The following PRRX1 variants were observed in gnomAD, a reference collection of about 807,000 sequenced individuals.
PRRX1 encodes paired related homeobox 1, also known as paired mesoderm homeobox protein 1.
Under a neutral mutation model 24.0 loss-of-function variants are expected in PRRX1, and 8 were observed. That is an observed-to-expected ratio of 0.33 (90% CI 0.20 to 0.60). The LOEUF (loss-of-function observed/expected upper bound fraction) is 0.60. PRRX1 is among the 20% of genes least tolerant of loss of function. The probability of loss-of-function intolerance (pLI) is 0.82; values close to 1 mark genes in which losing one functional copy is unlikely to be tolerated. For missense variants in PRRX1, 281 were observed against 322.4 expected (o/e 0.87, Z 0.98); for synonymous variants, 160 against 131.7 (o/e 1.22, Z -1.47).
intron 1 of PRRX1, among the ~76,000 whole-genome samples, chr1:170,701,527 G>GT (rs1217088127): frequency 1.3e-5 from 2 of 152,108 alleles, no homozygotes; most frequent in African/African-American, 4.8e-5. Context: ...CAGGCCAAAT[G>GT]TTTTGCTTGT....
At chr1:170,730,334 G>A in intron 3 of PRRX1, 1 of 1,610,326 alleles carries the variant, frequency 6.2e-7, no homozygotes, top group Non-Finnish European at 8.5e-7. Flanking sequence ...GATTCTAACG[G>A]AAGACACTGA....
chr1:170,692,771 G>A (rs925940109), intron 1 of PRRX1, among the ~76,000 whole-genome samples: 1 of 144,236 alleles, frequency 6.9e-6, no homozygotes, highest in African/African-American at 2.6e-5. Context: ...ACAGACACAC[G>A]TGCACACGCA....
intron 1 of PRRX1, among the ~76,000 whole-genome samples, chr1:170,695,368 T>G (rs1023133528): frequency 6.6e-6 from 1 of 152,186 alleles, no homozygotes; most frequent in Non-Finnish European, 1.5e-5. Flanking sequence ...GAGATGCTAT[T>G]TTAATACTAC....
At chr1:170,722,754 T>C (rs1373020648) in intron 2 of PRRX1, 1 of 152,200 alleles carries the variant, frequency 6.6e-6, no homozygotes, top group South Asian at 2.1e-4. Context: ...TTGAAAGTAG[T>C]GTAGCCAGTA....
At chr1:170,701,929 A>G (rs577967472) in intron 1 of PRRX1, among the ~76,000 whole-genome samples, 1 of 151,992 alleles carries the variant, frequency 6.6e-6, no homozygotes, top group African/African-American at 2.4e-5. Context: ...ACCCGATAGC[A>G]CTATAGAACA....
chr1:170,667,345 C>T (rs1290323081), intron 1 of PRRX1: 1 of 152,294 alleles, frequency 6.6e-6, no homozygotes, highest in African/African-American at 2.4e-5. Context: ...CACTCCAGGC[C>T]TTGCTTCCTA....
chr1:170,665,548 C>T (rs768634894), intron 1 of PRRX1, among the ~76,000 whole-genome samples: 3 of 152,244 alleles, frequency 2.0e-5, no homozygotes, highest in Non-Finnish European at 4.4e-5. Flanking sequence ...TGCTGGTTAC[C>T]ATTTTTGTCT....
At chr1:170,683,878 T>A (rs1290004846) in intron 1 of PRRX1, among the ~76,000 whole-genome samples, 1 of 152,148 alleles carries the variant, frequency 6.6e-6, no homozygotes, top group African/African-American at 2.4e-5. Flanking sequence ...AAGTCAGAAA[T>A]CAGTTAGGTC....
chr1:170,726,361 C>G lies in PRRX1; in HGVS notation c.559C>G (p.Pro187Ala), dbSNP rs766933694. ...CATCGTACCTCGTCCTGCTCCGAGA[C>G]CCACCGATTATCTCTCCTGGGGGAC... ...QPIVPRPAPR[P>A]TDYLSWGTAS... The change falls in exon 3 of 4, where the codon CCC (proline) becomes GCC (alanine). Residue 187 changes from proline (P) to alanine (A), a missense_variant. Transcript: ENST00000239461. The G allele has an allele frequency of 6.2e-7, 1 of 1,614,108 alleles. No individual in the cohort carries two copies. Among genetic ancestry groups the G allele is most frequent in the East Asian group, 2.2e-5 (1 of 44,868 alleles).
intron 3 of PRRX1, chr1:170,730,277 A>C: frequency 1.2e-6 from 2 of 1,608,300 alleles, no homozygotes; most frequent in Non-Finnish European, 1.7e-6. Flanking sequence ...TCAAAAATAG[A>C]TCCTCGTCCC....
intron 1 of PRRX1, among the ~76,000 whole-genome samples, chr1:170,679,830 T>A (rs1288906988): frequency 6.6e-6 from 1 of 152,228 alleles, no homozygotes. Context: ...ATTTTAGTTT[T>A]AAGTATGTTT....
intron 3 of PRRX1, among the ~76,000 whole-genome samples, chr1:170,731,689 G>A (rs569564854): frequency 6.6e-6 from 1 of 152,196 alleles, no homozygotes; most frequent in African/African-American, 2.4e-5. Context: ...ATTTGTCCCA[G>A]TGAAAACAGT....
intron 2 of PRRX1, among the ~76,000 whole-genome samples, chr1:170,725,071 G>T (rs921492308): frequency 2.0e-5 from 3 of 151,920 alleles, no homozygotes; most frequent in East Asian, 3.9e-4. Flanking sequence ...TCATGATTTG[G>T]CTCTTTGCTT....
chr1:170,722,560 A>G (rs1655124163), intron 2 of PRRX1: 1 of 152,212 alleles, frequency 6.6e-6, no homozygotes, highest in African/African-American at 2.4e-5. Flanking sequence ...GGAATGTACA[A>G]TAATTAGTGA....
At chr1:170,709,014 G>T (rs1265666096) in intron 1 of PRRX1, among the ~76,000 whole-genome samples, 1 of 152,164 alleles carries the variant, frequency 6.6e-6, no homozygotes, top group African/African-American at 2.4e-5. Context: ...AATTCTAAGA[G>T]AAGTACCCAA....
At chr1:170,734,600 G>A (rs935977806) in intron 3 of PRRX1, among the ~76,000 whole-genome samples, 2 of 152,102 alleles carry the variant, frequency 1.3e-5, no homozygotes, top group Non-Finnish European at 2.9e-5. Flanking sequence ...TGAAATAGAA[G>A]AAGGTAGGAT....
At chr1:170,677,854 A>G (rs189394904) in intron 1 of PRRX1, among the ~76,000 whole-genome samples, 25 of 152,348 alleles carry the variant, frequency 1.6e-4, no homozygotes, top group Admixed American at 1.4e-3. Flanking sequence ...AAGATGTTAC[A>G]GTGATTGAAG....
intron 3 of PRRX1, among the ~76,000 whole-genome samples, chr1:170,735,707 T>TA (rs1384926373): frequency 2.0e-5 from 3 of 152,168 alleles, no homozygotes; most frequent in African/African-American, 7.2e-5. Context: ...AATACTGTTT[T>TA]AATAAGTCAG....
chr1:170,729,002 C>T (rs1655344623), intron 3 of PRRX1: 1 of 152,202 alleles, frequency 6.6e-6, no homozygotes, highest in Admixed American at 6.5e-5. Flanking sequence ...AAAGGCATTT[C>T]TCTTGGTTAA....
Sources: gnomAD v4.1 joint callset for allele counts (sites outside exome capture counted in the v4.1 genomes callset) on GRCh38, gnomAD v4.1.1 for gene constraint, MANE v1.5 for transcripts, NCBI Gene and HGNC (gene_info 2026-07-23, HGNC 2026-07-21) for gene names.